BCKDHB: variants seen among roughly 807,000 people sequenced by gnomAD.
The protein encoded by BCKDHB is 2-oxoisovalerate dehydrogenase subunit beta, mitochondrial.
BCKDHB carries 41 observed loss-of-function variants against 48.5 expected under a neutral mutation model. The observed-to-expected ratio is 0.85, with a 90% CI of 0.66 to 1.10. The LOEUF is 1.10. Ranked by LOEUF, BCKDHB falls within the 50% of genes least tolerant of loss-of-function variation. BCKDHB has a pLI of 0.00. For synonymous variants in BCKDHB, 201 were observed against 174.8 expected, an observed-to-expected ratio of 1.15 and a Z score of -1.18; for missense variants, 496 against 494.2, an observed-to-expected ratio of 1.00 and a Z score of -0.03.
intron 9 of BCKDHB, among the ~76,000 whole-genome samples, chr6:80,279,070 T>C (rs1316338964): frequency 6.6e-6 from 1 of 152,202 alleles, no homozygotes; most frequent in Non-Finnish European, 1.5e-5. Context: ...TCAGCTTATA[T>C]AAAAATGAAC....
intron 3 of BCKDHB, among the ~76,000 whole-genome samples, chr6:80,154,256 T>C (rs886549778): frequency 2.0e-5 from 3 of 152,180 alleles, no homozygotes; most frequent in South Asian, 2.1e-4. Context: ...CCTTTATCAT[T>C]TGTAGCAACT....
intron 1 of BCKDHB, among the ~76,000 whole-genome samples, chr6:80,121,487 T>C (rs1041561034): frequency 2.0e-5 from 3 of 152,236 alleles, no homozygotes; most frequent in African/African-American, 7.2e-5. Context: ...ATTCTTCTTA[T>C]CCATGAGCAT....
the BCKDHB span, among the ~76,000 whole-genome samples, chr6:80,400,639 C>G: frequency 1.3e-5 from 2 of 151,922 alleles, no homozygotes; most frequent in African/African-American, 2.4e-5. Flanking sequence ...ACTAGTTCAA[C>G]CATTGTGGAA....
At chr6:80,230,249 A>G (rs1775867030) in intron 8 of BCKDHB, among the ~76,000 whole-genome samples, 1 of 151,350 alleles carries the variant, frequency 6.6e-6, no homozygotes, top group Non-Finnish European at 1.5e-5. Context: ...CGTGTTAGCC[A>G]GGATGGTCTC....
the BCKDHB span, among the ~76,000 whole-genome samples, chr6:80,435,179 T>G: frequency 7.4e-4 from 112 of 152,358 alleles, 1 homozygote; most frequent in East Asian, 0.016. Context: ...GTGCTGTCTG[T>G]TAGCCAATGT....
At chr6:80,293,509 T>C (rs1436327032) in intron 9 of BCKDHB, among the ~76,000 whole-genome samples, 1 of 152,088 alleles carries the variant, frequency 6.6e-6, no homozygotes, top group Non-Finnish European at 1.5e-5. Flanking sequence ...CAGGAAACCA[T>C]TTTTTGCTCC....
At chr6:80,291,285 C>T (rs79289970) in intron 9 of BCKDHB, among the ~76,000 whole-genome samples, 6,700 of 152,092 alleles carry the variant, frequency 0.044, 484 homozygotes, top group African/African-American at 0.15. Flanking sequence ...TGAAAAGAAG[C>T]GATGACATTC....
chr6:80,168,293 A>T (rs1166963428), intron 4 of BCKDHB, among the ~76,000 whole-genome samples: 1 of 150,954 alleles, frequency 6.6e-6, no homozygotes, highest in Admixed American at 6.6e-5. Context: ...AAAAGAAAAG[A>T]AGAGAGAAAG....
chr6:80,436,007 C>G, the BCKDHB span, among the ~76,000 whole-genome samples: 2 of 151,934 alleles, frequency 1.3e-5, no homozygotes, highest in Non-Finnish European at 1.5e-5. Flanking sequence ...TCTCTCAGGC[C>G]CAGCGCTTGA....
chr6:80,107,445 G>GTGTGTA (rs1491107480), intron 1 of BCKDHB, among the ~76,000 whole-genome samples: 5 of 133,114 alleles, frequency 3.8e-5, no homozygotes, highest in South Asian at 2.2e-4. Flanking sequence ...GTGTGTGTGT[G>GTGTGTA]TATATATCCA....
At chr6:80,197,122 C>T (rs924861302) in intron 6 of BCKDHB, among the ~76,000 whole-genome samples, 4 of 152,106 alleles carry the variant, frequency 2.6e-5, no homozygotes, top group Admixed American at 6.6e-5. Context: ...TCTGAAGATT[C>T]GTGCTCTAAC....
intron 8 of BCKDHB, among the ~76,000 whole-genome samples, chr6:80,227,680 T>C (rs1314323847): frequency 6.6e-6 from 1 of 152,196 alleles, no homozygotes; most frequent in Non-Finnish European, 1.5e-5. Flanking sequence ...ATACAATCTG[T>C]TCTTAGGTAT....
chr6:80,136,650 CA>C (rs1291191295), intron 3 of BCKDHB, among the ~76,000 whole-genome samples: 1 of 151,722 alleles, frequency 6.6e-6, no homozygotes, highest in Non-Finnish European at 1.5e-5. Context: ...ACACTATTAA[CA>C]GGGAAAAAAG....
the BCKDHB span, among the ~76,000 whole-genome samples, chr6:80,403,940 G>T: frequency 6.6e-6 from 1 of 151,934 alleles, no homozygotes; most frequent in East Asian, 1.9e-4. Flanking sequence ...CCTGATCATG[G>T]TGTATGATCC....
intron 9 of BCKDHB, among the ~76,000 whole-genome samples, chr6:80,342,301 T>C (rs1769944770): frequency 6.6e-6 from 1 of 152,074 alleles, no homozygotes; most frequent in South Asian, 2.1e-4. Context: ...AGCAAGGCAA[T>C]GTGTAAACAC....
chr6:80,164,034 C>T (rs1406052020), intron 3 of BCKDHB, among the ~76,000 whole-genome samples: 2 of 152,216 alleles, frequency 1.3e-5, no homozygotes, highest in Non-Finnish European at 2.9e-5. Context: ...TTGCTATTGA[C>T]AGGCTATTCA....
chr6:80,421,129 TG>T, the BCKDHB span, among the ~76,000 whole-genome samples: 1 of 152,264 alleles, frequency 6.6e-6, no homozygotes. Flanking sequence ...GATTGAATCA[TG>T]GGGTTGGTTT....
At chr6:80,254,286 GT>G (rs1238307101) in intron 8 of BCKDHB, among the ~76,000 whole-genome samples, 3 of 151,870 alleles carry the variant, frequency 2.0e-5, no homozygotes, top group African/African-American at 7.2e-5. Flanking sequence ...ACATGTCATA[GT>G]TTTTTAATAA....
chr6:80,177,036 G>T (rs943215231), intron 6 of BCKDHB, among the ~76,000 whole-genome samples: 29 of 151,450 alleles, frequency 1.9e-4, no homozygotes, highest in African/African-American at 6.8e-4. Flanking sequence ...ACCAGCCTGG[G>T]CAATATGGTA....
Sources: gnomAD v4.1 joint callset for allele counts (sites outside exome capture counted in the v4.1 genomes callset) on GRCh38, gnomAD v4.1.1 for gene constraint, MANE v1.5 for transcripts, NCBI Gene and HGNC (gene_info 2026-07-23, HGNC 2026-07-21) for gene names.